EPM2A: variants seen among roughly 807,000 people sequenced by gnomAD.
EPM2A encodes the protein laforin.
In EPM2A, 21 loss-of-function variants were observed where a neutral mutation model predicts 26.5. That is an observed-to-expected ratio of 0.79 (90% CI 0.56 to 1.14). The LOEUF is 1.14. Among genes scored for constraint, EPM2A ranks in the 50% most tolerant of loss-of-function variants. The pLI is 0.00. For missense variants in EPM2A, 458 were observed against 440.8 expected (o/e 1.04, Z -0.35); for synonymous variants, 217 against 177.6 (o/e 1.22, Z -1.76).
chr6:145,395,472 A>T (rs1434808485), intron 4 of EPM2A, among the ~76,000 whole-genome samples: 1 of 152,102 alleles, frequency 6.6e-6, no homozygotes, highest in Non-Finnish European at 1.5e-5. Context: ...CTATCTTAGG[A>T]CAGTCATGGC....
chr6:145,642,324 A>G (rs1459581531), intron 2 of EPM2A, among the ~76,000 whole-genome samples: 2 of 152,196 alleles, frequency 1.3e-5, no homozygotes, highest in African/African-American at 4.8e-5. Context: ...AGACTTGTTT[A>G]AAATCAATCC....
At chr6:145,686,591 A>AATCACTT in intron 1 of EPM2A, among the ~76,000 whole-genome samples, 1 of 152,270 alleles carries the variant, frequency 6.6e-6, no homozygotes, top group East Asian at 1.9e-4. Flanking sequence ...GGCCATTATG[A>AATCACTT]ATCACTTTGC....
intron 4 of EPM2A, among the ~76,000 whole-genome samples, chr6:145,403,592 A>G (rs1778526121): frequency 6.6e-6 from 1 of 152,148 alleles, no homozygotes; most frequent in Non-Finnish European, 1.5e-5. Flanking sequence ...GTAAATGATT[A>G]GATCTCATTC....
chr6:145,505,037 T>C (rs1263291993), intron 2 of EPM2A, among the ~76,000 whole-genome samples: 1 of 124,734 alleles, frequency 8.0e-6, no homozygotes, highest in African/African-American at 3.1e-5. Context: ...TAGGTGGGAA[T>C]TGAACAATGA....
intron 4 of EPM2A, among the ~76,000 whole-genome samples, chr6:145,477,628 A>G (rs894546894): frequency 6.6e-6 from 1 of 151,948 alleles, no homozygotes; most frequent in Admixed American, 6.6e-5. Flanking sequence ...AGTTTAACAT[A>G]TGCAAATCAA....
chr6:145,705,869 A>G (rs1782195543), intron 1 of EPM2A: 1 of 456,520 alleles, frequency 2.2e-6, no homozygotes, highest in Non-Finnish European at 4.4e-6. Context: ...GGTAAACAGT[A>G]ATCGCCTGCC....
At chr6:145,472,170 A>T (rs895031831) in intron 4 of EPM2A, among the ~76,000 whole-genome samples, 4 of 151,388 alleles carry the variant, frequency 2.6e-5, no homozygotes, top group Non-Finnish European at 5.9e-5. Flanking sequence ...GCCAGAAGGG[A>T]ACTTGCTTCC....
At chr6:145,582,247 T>G (rs552172808) in intron 2 of EPM2A, among the ~76,000 whole-genome samples, 14 of 152,242 alleles carry the variant, frequency 9.2e-5, no homozygotes, top group Non-Finnish European at 1.9e-4. Flanking sequence ...TTGTATGATT[T>G]TTTAGCAATC....
At chr6:145,551,247 AAAC>A (rs201144313) in intron 2 of EPM2A, among the ~76,000 whole-genome samples, 1,689 of 152,172 alleles carry the variant, frequency 0.011, 25 homozygotes, top group African/African-American at 0.039. Flanking sequence ...AAAAAGTTAA[AAAC>A]AACAACAACA....
intron 2 of EPM2A, among the ~76,000 whole-genome samples, chr6:145,512,710 CAAAAAAAAAAAAAAA>C (rs58668403): frequency 4.4e-5 from 1 of 22,542 alleles, no homozygotes; most frequent in South Asian, 2.4e-3. Flanking sequence ...GACTCCATCT[CAAAAAAAAAAAAAAA>C]AAAAAAAAAA....
At chr6:145,477,135 A>C (rs796475831) in intron 4 of EPM2A, among the ~76,000 whole-genome samples, 9 of 152,094 alleles carry the variant, frequency 5.9e-5, no homozygotes, top group African/African-American at 2.2e-4. Flanking sequence ...GCAGAAACTC[A>C]AAGGATCATT....
rs117556984 is a variant in EPM2A at position 145,714,842 on chromosome 6, C to T, written c.301+20356G>A. The stretch of plus-strand genomic sequence containing the variant: ...CTGCCCTCATGATTCAATTACCTCT[C>T]ACTGGGTCCCTCCCATAACATGTGG... On this transcript the variant is annotated intron_variant, in intron 1 of 3. Coordinates refer to ENST00000367519, the MANE Select transcript of EPM2A (RefSeq NM_005670.4). Among the ~76,000 whole-genome samples the T allele has an allele frequency of 4.1e-3, 628 of 152,344 alleles. 18 individuals are homozygous for T. In the East Asian group the frequency reaches 0.07, roughly 17 times the overall value.
chr6:145,432,770 G>A (rs768582682), intron 4 of EPM2A, among the ~76,000 whole-genome samples: 3 of 152,026 alleles, frequency 2.0e-5, no homozygotes, highest in African/African-American at 4.8e-5. Flanking sequence ...TCCAACATAA[G>A]GTGATTTCAT....
At chr6:145,662,571 C>T (rs1778800176) in intron 2 of EPM2A, among the ~76,000 whole-genome samples, 1 of 152,118 alleles carries the variant, frequency 6.6e-6, no homozygotes, top group Admixed American at 6.5e-5. Flanking sequence ...GAGACTGGGT[C>T]ACCTCCGAAT....
chr6:145,413,280 C>T (rs1308645931), intron 4 of EPM2A, among the ~76,000 whole-genome samples: 2 of 151,978 alleles, frequency 1.3e-5, no homozygotes, highest in Non-Finnish European at 2.9e-5. Flanking sequence ...AGCATGATTC[C>T]CAATTAAGAG....
At chr6:145,551,919 G>A (rs1780660610) in intron 2 of EPM2A, among the ~76,000 whole-genome samples, 1 of 150,880 alleles carries the variant, frequency 6.6e-6, no homozygotes. Flanking sequence ...GCATAGTAAA[G>A]AATTTCTAGA....
At chr6:145,689,929 G>A (rs1212028834) in intron 1 of EPM2A, among the ~76,000 whole-genome samples, 1 of 152,140 alleles carries the variant, frequency 6.6e-6, no homozygotes, top group African/African-American at 2.4e-5. Flanking sequence ...CACTGAGATC[G>A]TGACAAAGGT....
intron 2 of EPM2A, among the ~76,000 whole-genome samples, chr6:145,538,622 C>G (rs563126214): frequency 2.0e-5 from 3 of 152,318 alleles, no homozygotes; most frequent in African/African-American, 7.2e-5. Flanking sequence ...ATATACTAAA[C>G]AAGTAAATTG....
In EPM2A at chr6:145,386,277, C is replaced by T. The variant is rs60404600; in HGVS notation, c.556-2180G>A. On this transcript the variant is annotated intron_variant, in intron 4 of 4. Coordinates refer to the EPM2A transcript ENST00000638717. ...GTTAAACAAATAAGTCACTTCATTA[C>T]AGTGGTGCCTGCTATACTACGTATG... Among the ~76,000 whole-genome samples the T allele has an allele frequency of 2.7e-4, 41 of 152,218 alleles. 1 individual carries two copies. The East Asian group carries it at 4.4e-3, about 16-fold the overall frequency.
Sources: allele counts gnomAD v4.1 joint callset (sites outside exome capture counted in the v4.1 genomes callset), GRCh38; gene constraint gnomAD v4.1.1; transcripts MANE v1.5; gene names NCBI Gene and HGNC (gene_info 2026-07-23, HGNC 2026-07-21).